The following MICAL2 variants were observed in gnomAD, a reference collection of about 807,000 sequenced individuals.
MICAL2 encodes [F-actin]-monooxygenase MICAL2.
Under a neutral mutation model 127.3 loss-of-function variants are expected in MICAL2, and 77 were observed. The ratio of observed to expected loss-of-function variants is 0.60; its 90% CI spans 0.50 to 0.73. MICAL2 has a LOEUF of 0.73. MICAL2 is among the 30% of genes least tolerant of loss of function. MICAL2 has a pLI of 0.00. For missense variants in MICAL2, 1,351 were observed against 1,434.4 expected (o/e 0.94, Z 0.94); for synonymous variants, 570 against 551.1 (o/e 1.03, Z -0.48).
intron 29 of MICAL2, among the ~76,000 whole-genome samples, chr11:12,306,163 C>T (rs1489892405): frequency 6.6e-6 from 1 of 152,104 alleles, no homozygotes; most frequent in Non-Finnish European, 1.5e-5. Flanking sequence ...GTAACATTAC[C>T]AGAACCCCAA....
In MICAL2 at chr11:12,124,651, T is replaced by C. The variant is rs893126301; in HGVS notation, c.-148-13739T>C. The stretch of plus-strand genomic sequence containing the variant: ...GTCATTGCAAATGTCTAAATATCCT[T>C]TTTAAAAAACAAAACAAAAACACTA... On this transcript the variant is annotated intron_variant, in intron 1 of 27. Transcript: ENST00000683283. 2.6e-5 allele frequency among the ~76,000 whole-genome samples: 4 copies of C among 152,290 alleles called. No individual in the cohort carries two copies. The East Asian group carries it at 5.8e-4, about 22-fold the overall frequency.
At chr11:12,358,511 G>A (rs752789230), downstream of MICAL2, 23 of 1,604,804 alleles carry the variant, frequency 1.4e-5, 1 homozygote, top group Middle Eastern at 3.5e-4. Context: ...CTGGCTGCAC[G>A]TTGGGACCGG....
chr11:12,234,633 A>G (rs1858768567), intron 15 of MICAL2, among the ~76,000 whole-genome samples: 2 of 152,376 alleles, frequency 1.3e-5, no homozygotes, highest in South Asian at 4.1e-4. Context: ...TTTTGAACAA[A>G]TATCAATGGA....
intron 2 of MICAL2, among the ~76,000 whole-genome samples, chr11:12,149,981 G>A (rs1040292636): frequency 5.3e-5 from 8 of 152,188 alleles, no homozygotes; most frequent in African/African-American, 1.7e-4. Context: ...ATAAGTGGCG[G>A]TTGCATTTAG....
intron 15 of MICAL2, among the ~76,000 whole-genome samples, chr11:12,235,289 C>T (rs546237449): frequency 2.7e-4 from 41 of 152,306 alleles, no homozygotes; most frequent in Non-Finnish European, 4.9e-4. Flanking sequence ...GCCTGACAGC[C>T]GAGTGCCCTT....
chr11:12,168,478 A>G (rs1054460670), intron 3 of MICAL2, among the ~76,000 whole-genome samples: 4 of 151,508 alleles, frequency 2.6e-5, no homozygotes, highest in African/African-American at 9.7e-5. Context: ...ATGCACTTAT[A>G]CACACATATA....
intron 1 of MICAL2, among the ~76,000 whole-genome samples, chr11:12,131,532 T>C (rs1203070090): frequency 6.6e-6 from 1 of 152,202 alleles, no homozygotes; most frequent in East Asian, 1.9e-4. Context: ...GATTCAGCCC[T>C]GCTGTCTTCA....
At chr11:12,350,215 A>G (rs563708217) in intron 33 of MICAL2, among the ~76,000 whole-genome samples, 1 of 152,328 alleles carries the variant, frequency 6.6e-6, no homozygotes, top group Admixed American at 6.5e-5. Context: ...TTTTCAATCC[A>G]TCCCTGTTCC....
chr11:12,154,785 T>C (rs774594013), intron 2 of MICAL2, among the ~76,000 whole-genome samples: 2 of 152,206 alleles, frequency 1.3e-5, no homozygotes, highest in Non-Finnish European at 1.5e-5. Context: ...TTGTAGACTC[T>C]CCAAGCCCAG....
chr11:12,349,132 C>T (rs1008619727), intron 32 of MICAL2, among the ~76,000 whole-genome samples: 1 of 152,122 alleles, frequency 6.6e-6, no homozygotes, highest in Admixed American at 6.6e-5. Flanking sequence ...ATTCGAAAGC[C>T]ACCTTTTAAC....
rs113489819 is a variant in MICAL2, at chr11:12,280,829, C to T, written c.88-104C>T. 478 of 397,768 alleles carry T rather than the reference C, an allele frequency of 1.2e-3. 4 individuals are homozygous for T. Among genetic ancestry groups the T allele is most frequent in the African/African-American group, 9.1e-3 (442 of 48,734 alleles). The allele number at this position is 397,768 out of a possible 1,614,324, so 24.6% of individuals were successfully genotyped here. Reference sequence around the variant, plus strand: ...TGGGCACACAGGACTAAGCCCAGGCCCCCCAGGTGCGCTGGAGCAGTCCTG... The same window carrying T: ...TGGGCACACAGGACTAAGCCCAGGCTCCCCAGGTGCGCTGGAGCAGTCCTG... On this transcript the variant is annotated intron_variant, in intron 1 of 2. Transcript: ENST00000529028.
intron 29 of MICAL2, among the ~76,000 whole-genome samples, chr11:12,309,633 T>C (rs1453132405): frequency 6.6e-6 from 1 of 152,176 alleles, no homozygotes; most frequent in Non-Finnish European, 1.5e-5. Flanking sequence ...GCAATAAATG[T>C]GGGAATGTAG....
chr11:12,262,181 G>A (rs890302574), intron 26 of MICAL2: 18 of 1,276,186 alleles, frequency 1.4e-5, no homozygotes, highest in East Asian at 3.8e-5. Context: ...CTAGGCCTCC[G>A]CAACATATTC....
intron 29 of MICAL2, among the ~76,000 whole-genome samples, chr11:12,304,590 G>A (rs11825656): frequency 0.43 from 64,608 of 151,014 alleles, 15,557 homozygotes; most frequent in Non-Finnish European, 0.55. Context: ...AGCTGAGATC[G>A]TGCCATTGCA....
intron 11 of MICAL2, among the ~76,000 whole-genome samples, 163 bp downstream of exon 11, chr11:12,222,906 C>A (rs2134288594): frequency 6.6e-6 from 1 of 152,340 alleles, no homozygotes; most frequent in Admixed American, 6.5e-5. Flanking sequence ...CTCGAGTCAG[C>A]ATTCTTTCTA....
chr11:12,170,520 G>T (rs1286544271), intron 3 of MICAL2, among the ~76,000 whole-genome samples: 1 of 152,200 alleles, frequency 6.6e-6, no homozygotes, highest in Non-Finnish European at 1.5e-5. Context: ...ACACCTATAA[G>T]TGTATCAAAT....
At chr11:12,346,288 C>A (rs1326138861) in intron 32 of MICAL2, among the ~76,000 whole-genome samples, 1 of 152,152 alleles carries the variant, frequency 6.6e-6, no homozygotes, top group African/African-American at 2.4e-5. Context: ...AGTGACAGTT[C>A]CCATTTATTG....
intron 11 of MICAL2, 101 bp downstream of exon 11, chr11:12,222,844 C>T: frequency 6.8e-7 from 1 of 1,463,892 alleles, no homozygotes; most frequent in South Asian, 1.3e-5. Flanking sequence ...ATTCCTGGGA[C>T]TAAGGCCACC....
chr11:12,227,897 C>T (rs1857680403), intron 15 of MICAL2, among the ~76,000 whole-genome samples: 1 of 152,206 alleles, frequency 6.6e-6, no homozygotes, highest in Admixed American at 6.5e-5. Context: ...TGTGGCACCT[C>T]TGTGAGTTCA....
Sources: gnomAD v4.1 joint callset for allele counts (sites outside exome capture counted in the v4.1 genomes callset) on GRCh38, gnomAD v4.1.1 for gene constraint, MANE v1.5 for transcripts, NCBI Gene and HGNC (gene_info 2026-07-23, HGNC 2026-07-21) for gene names.